The following SPPL3 variants were observed in gnomAD, a reference collection of about 807,000 sequenced individuals.
SPPL3 encodes the protein signal peptide peptidase like 3, also known as signal peptide peptidase-like 3.
SPPL3 carries 5 observed loss-of-function variants against 42.4 expected under a neutral mutation model. The ratio of observed to expected loss-of-function variants is 0.12; its 90% CI spans 0.06 to 0.25. The LOEUF is 0.25. Ranked by LOEUF, SPPL3 falls within the 10% of genes least tolerant of loss-of-function variation. SPPL3 has a pLI of 1.00. For missense variants in SPPL3, 235 were observed against 489.0 expected, an observed-to-expected ratio of 0.48 and a Z score of 4.90; for synonymous variants, 195 against 181.8, an observed-to-expected ratio of 1.07 and a Z score of -0.58.
intron 1 of SPPL3, among the ~76,000 whole-genome samples, chr12:120,835,938 C>T (rs1387852400): frequency 6.6e-6 from 1 of 152,216 alleles, no homozygotes; most frequent in Non-Finnish European, 1.5e-5. Context: ...ACTGTTCTAT[C>T]TGAAATGGGC....
chr12:120,898,303 T>G lies in SPPL3; in HGVS notation c.23+5542A>C, dbSNP rs868822979. Among the ~76,000 whole-genome samples, 141 of 105,166 alleles carry G rather than the reference T, an allele frequency of 1.3e-3. 1 individual carries two copies. The highest frequency in any genetic ancestry group is 2.7e-3 in the South Asian group (8 of 2,944). The allele number at this position is 105,166 out of a possible 152,430, so 69.0% of individuals were successfully genotyped here. A position where few individuals can be genotyped will look rare whatever the true frequency, so the allele number is the denominator to read the frequency against. On this transcript the variant is annotated intron_variant, in intron 1 of 10. Coordinates refer to ENST00000353487, the MANE Select transcript of SPPL3 (RefSeq NM_139015.5). ...TGGACAGAGCAAGACTCTGTTTTTTTTTTTTTTTTTTAAAAAAAAAAAAAA... is the reference window on the plus strand; with the variant it reads ...TGGACAGAGCAAGACTCTGTTTTTTGTTTTTTTTTTTAAAAAAAAAAAAAA...
At chr12:120,812,427 TG>T (rs1356466178) in intron 1 of SPPL3, among the ~76,000 whole-genome samples, 2 of 152,134 alleles carry the variant, frequency 1.3e-5, no homozygotes, top group Non-Finnish European at 2.9e-5. Flanking sequence ...CCACTGCGCC[TG>T]GCCAGAGGAA....
At chr12:120,854,138 T>C (rs936268675) in intron 1 of SPPL3, among the ~76,000 whole-genome samples, 3 of 152,116 alleles carry the variant, frequency 2.0e-5, no homozygotes, top group Non-Finnish European at 2.9e-5. Context: ...AAGTTATCAA[T>C]GTACCCTTTA....
chr12:120,852,730 T>A, intron 1 of SPPL3, among the ~76,000 whole-genome samples: 1 of 34,356 alleles, frequency 2.9e-5, no homozygotes. Context: ...TTATATATAA[T>A]ATACATATAA....
chr12:120,771,666 C>T (rs1869128610), intron 6 of SPPL3, among the ~76,000 whole-genome samples: 1 of 152,128 alleles, frequency 6.6e-6, no homozygotes, highest in Non-Finnish European at 1.5e-5. Context: ...TGCAGGGCCT[C>T]TCCCCTCCTT....
At chr12:120,890,441 T>C (rs1243168322) in intron 1 of SPPL3, among the ~76,000 whole-genome samples, 1 of 150,910 alleles carries the variant, frequency 6.6e-6, no homozygotes, top group Admixed American at 6.6e-5. Context: ...TACAAAAAAT[T>C]AGCTGGGCGT....
chr12:120,879,113 C>CAAAAAA (rs63543261), intron 1 of SPPL3, among the ~76,000 whole-genome samples: 4 of 65,032 alleles, frequency 6.2e-5, no homozygotes, highest in Non-Finnish European at 1.3e-4. Flanking sequence ...AACTCTGTCT[C>CAAAAAA]AAAAAAAAAA....
intron 1 of SPPL3, among the ~76,000 whole-genome samples, chr12:120,814,952 A>C (rs543219707): frequency 1.3e-5 from 2 of 152,342 alleles, no homozygotes; most frequent in African/African-American, 4.8e-5. Flanking sequence ...TCAGCATGAT[A>C]GTCCATTGTG....
intron 1 of SPPL3, among the ~76,000 whole-genome samples, chr12:120,873,700 C>T (rs1297222198): frequency 1.3e-5 from 2 of 151,912 alleles, no homozygotes; most frequent in Non-Finnish European, 2.9e-5. Flanking sequence ...TGTGAAACCC[C>T]GTCTCTAATA....
intron 2 of SPPL3, among the ~76,000 whole-genome samples, chr12:120,794,190 T>C (rs1209138952): frequency 6.6e-6 from 1 of 152,246 alleles, no homozygotes; most frequent in Non-Finnish European, 1.5e-5. Flanking sequence ...AAAGCTGCTT[T>C]GTCTTATATT....
intron 1 of SPPL3, among the ~76,000 whole-genome samples, chr12:120,883,502 T>A (rs928933750): frequency 6.6e-6 from 1 of 152,088 alleles, no homozygotes; most frequent in African/African-American, 2.4e-5. Context: ...TAGATTCTAC[T>A]CCCAGGTATA....
intron 2 of SPPL3, among the ~76,000 whole-genome samples, chr12:120,808,871 T>C (rs1412252755): frequency 1.3e-5 from 2 of 152,184 alleles, no homozygotes; most frequent in Non-Finnish European, 2.9e-5. Flanking sequence ...CTGTGTTTAA[T>C]TGCAAAGTCC....
At chr12:120,893,590 C>G (rs996716504) in intron 1 of SPPL3, among the ~76,000 whole-genome samples, 1 of 152,110 alleles carries the variant, frequency 6.6e-6, no homozygotes, top group Non-Finnish European at 1.5e-5. Context: ...CTTCCACCCC[C>G]ACTACTCTGA....
At chr12:120,880,776 G>C (rs1415391360) in intron 1 of SPPL3, among the ~76,000 whole-genome samples, 2 of 151,676 alleles carry the variant, frequency 1.3e-5, no homozygotes, top group African/African-American at 2.4e-5. Context: ...GACAGAGAGA[G>C]ACTCCGTCTC....
intron 3 of SPPL3, among the ~76,000 whole-genome samples, chr12:120,789,471 G>GAAAAAAT (rs1869839240): frequency 1.3e-5 from 1 of 76,106 alleles, no homozygotes; most frequent in South Asian, 5.3e-4. Context: ...AAGAAAAAAA[G>GAAAAAAT]CATTTAAAAA....
At chr12:120,884,451 T>C (rs1254224817) in intron 1 of SPPL3, among the ~76,000 whole-genome samples, 3 of 152,074 alleles carry the variant, frequency 2.0e-5, no homozygotes, top group Non-Finnish European at 4.4e-5. Context: ...ACATGAAATG[T>C]TACCATAAAT....
chr12:120,816,299 T>C (rs1422149669), intron 1 of SPPL3, among the ~76,000 whole-genome samples: 2 of 152,242 alleles, frequency 1.3e-5, no homozygotes, highest in African/African-American at 4.8e-5. Flanking sequence ...AGTTTTGTTT[T>C]AGCTTTCAAA....
chr12:120,840,205 C>A (rs377069873), intron 1 of SPPL3, among the ~76,000 whole-genome samples: 1 of 122,628 alleles, frequency 8.2e-6, no homozygotes, highest in African/African-American at 3.0e-5. Flanking sequence ...TTGAACCCGG[C>A]GGGTGGAGGC....
rs2136979935 is a variant in SPPL3, at chr12:120,784,412, TG to T, written c.310+61del. On this transcript the variant is annotated intron_variant, in intron 4 of 10. Coordinates refer to ENST00000353487, the MANE Select transcript of SPPL3 (RefSeq NM_139015.5). ...TATATAAATCTTAATTTTTGAACAA[TG>T]ATAAAGGTGAAAAATTTTCCTTTTA... 7 of 1,466,016 alleles carry T rather than the reference TG, an allele frequency of 4.8e-6. No homozygotes were observed. In the East Asian group the frequency reaches 1.7e-4, roughly 35 times the overall value. 90.8% of individuals were successfully genotyped at this position (1,466,016 alleles called of 1,614,324 possible).
Sources: gnomAD v4.1 joint callset for allele counts (sites outside exome capture counted in the v4.1 genomes callset) on GRCh38, gnomAD v4.1.1 for gene constraint, MANE v1.5 for transcripts, NCBI Gene and HGNC (gene_info 2026-07-23, HGNC 2026-07-21) for gene names.